The following CEP63 variants were observed in gnomAD, a reference collection of about 807,000 sequenced individuals.
The protein encoded by CEP63 is centrosomal protein 63.
A neutral mutation model predicts 89.1 loss-of-function variants in CEP63; 84 were observed. The observed-to-expected ratio is 0.94, with a 90% CI of 0.79 to 1.13. The LOEUF (loss-of-function observed/expected upper bound fraction) is 1.13, where lower values mean the gene tolerates loss of function less well. CEP63 is among the 50% of genes most tolerant of loss of function. CEP63 has a pLI of 0.00. For synonymous variants in CEP63, 267 were observed against 272.5 expected, an observed-to-expected ratio of 0.98 and a Z score of 0.20; for missense variants, 838 against 813.3, an observed-to-expected ratio of 1.03 and a Z score of -0.37.
the CEP63 span, among the ~76,000 whole-genome samples, chr3:134,744,214 G>A: frequency 6.6e-6 from 1 of 152,258 alleles, no homozygotes; most frequent in African/African-American, 2.4e-5. Context: ...TATCAAAAAG[G>A]ATATTAGGGC....
the CEP63 span, among the ~76,000 whole-genome samples, chr3:134,711,766 CT>C: frequency 0.11 from 15,536 of 139,674 alleles, 1,785 homozygotes; most frequent in African/African-American, 0.31. Flanking sequence ...CTTTTCTTTT[CT>C]TTTTTTTTTT....
At chr3:134,733,086 G>A in the CEP63 span, among the ~76,000 whole-genome samples, 1 of 152,146 alleles carries the variant, frequency 6.6e-6, no homozygotes, top group African/African-American at 2.4e-5. Context: ...TTTAAAATGG[G>A]TAGGAAGCAT....
the CEP63 span, among the ~76,000 whole-genome samples, chr3:134,605,341 T>TC: frequency 6.6e-6 from 1 of 151,910 alleles, no homozygotes; most frequent in Admixed American, 6.6e-5. Context: ...CCCAGCAACC[T>TC]CCCCAGCCCC....
chr3:134,775,465 A>C, the CEP63 span, among the ~76,000 whole-genome samples: 3 of 152,156 alleles, frequency 2.0e-5, no homozygotes, highest in South Asian at 6.2e-4. Flanking sequence ...GTAGCATATA[A>C]TCTCCAAGCT....
chr3:134,557,628 C>G (rs927693448), intron 12 of CEP63, among the ~76,000 whole-genome samples: 7 of 151,764 alleles, frequency 4.6e-5, no homozygotes, highest in African/African-American at 1.5e-4. Flanking sequence ...TTTATCATGT[C>G]CAAATTTATA....
chr3:134,688,578 G>A, the CEP63 span, among the ~76,000 whole-genome samples: 2 of 152,314 alleles, frequency 1.3e-5, no homozygotes, highest in South Asian at 2.1e-4. Context: ...TTGCAGTGGC[G>A]AGTCAGAGTA....
At chr3:134,655,403 G>A in the CEP63 span, among the ~76,000 whole-genome samples, 1 of 152,240 alleles carries the variant, frequency 6.6e-6, no homozygotes, top group East Asian at 1.9e-4. Flanking sequence ...TTTGGCAGGA[G>A]TTACGGCACA....
intron 3 of CEP63, among the ~76,000 whole-genome samples, chr3:134,517,168 C>T (rs535779628): frequency 2.0e-5 from 3 of 152,312 alleles, no homozygotes; most frequent in African/African-American, 7.2e-5. Flanking sequence ...CTGCCTTGCT[C>T]TCTGTGTCCT....
the CEP63 span, among the ~76,000 whole-genome samples, chr3:134,611,291 A>G: frequency 6.6e-6 from 1 of 152,184 alleles, no homozygotes; most frequent in Non-Finnish European, 1.5e-5. Flanking sequence ...TCTGGGGAAG[A>G]TATAAAATGA....
the CEP63 span, among the ~76,000 whole-genome samples, chr3:134,689,539 C>T: frequency 1.3e-4 from 20 of 152,196 alleles, 1 homozygote; most frequent in African/African-American, 4.3e-4. Context: ...GCAACCTCTG[C>T]CTCCTGAGTT....
At chr3:134,684,240 G>A in the CEP63 span, among the ~76,000 whole-genome samples, 1 of 152,170 alleles carries the variant, frequency 6.6e-6, no homozygotes, top group Non-Finnish European at 1.5e-5. Flanking sequence ...AAGCTGTTCT[G>A]GGCTGAGTGT....
chr3:134,723,894 T>C, the CEP63 span, among the ~76,000 whole-genome samples: 1 of 152,086 alleles, frequency 6.6e-6, no homozygotes, highest in East Asian at 1.9e-4. Context: ...TCTAGAAGAG[T>C]ATTTTGGAGA....
the CEP63 span, among the ~76,000 whole-genome samples, chr3:134,720,018 C>T: frequency 6.6e-6 from 1 of 152,172 alleles, no homozygotes; most frequent in South Asian, 2.1e-4. Context: ...TGTATGGTAA[C>T]CCTACATTTA....
chr3:134,672,763 T>C, the CEP63 span, among the ~76,000 whole-genome samples: 1 of 152,194 alleles, frequency 6.6e-6, no homozygotes, highest in Non-Finnish European at 1.5e-5. Flanking sequence ...TCTTCTGGCT[T>C]CAGCTCCAAT....
the CEP63 span, among the ~76,000 whole-genome samples, chr3:134,610,938 A>G: frequency 1.3e-5 from 2 of 152,112 alleles, no homozygotes; most frequent in Non-Finnish European, 2.9e-5. Context: ...CCCCCCTGCT[A>G]TTCCTCCCAA....
downstream of CEP63, among the ~76,000 whole-genome samples, chr3:134,589,549 C>T (rs1958556773): frequency 6.7e-6 from 1 of 148,876 alleles, no homozygotes; most frequent in Non-Finnish European, 1.5e-5. Context: ...ATTACTTATT[C>T]ATCACTTCAT....
At position 134,550,258 on chromosome 3, in the gene CEP63, A is replaced by G; in HGVS notation, c.1378A>G (p.Lys460Glu). 1.2e-6 allele frequency: 2 copies of G among 1,613,986 alleles called. No individual in the cohort carries two copies. The highest frequency in any genetic ancestry group is 1.7e-6 in the Non-Finnish European group (2 of 1,179,880). The change falls in exon 11 of 15, where the codon AAG (lysine) becomes GAG (glutamate). Residue 460 changes from lysine (K) to glutamate (E), a missense_variant and splice_region_variant. Physicochemically the swap from Lys to Glu is moderately conservative, Grantham distance 56. Transcript: ENST00000675561. ...GGCAGAAGACAAAGCAGTAGAGCAT[A>G]AGGTGAAGCCTGAACAAAACCTTTT... ...QKAEDKAVEHKEILDQLESLK... is the reference protein window; with the variant it reads ...QKAEDKAVEHEEILDQLESLK...
chr3:134,653,085 G>A, the CEP63 span, among the ~76,000 whole-genome samples: 172 of 152,298 alleles, frequency 1.1e-3, no homozygotes, highest in African/African-American at 4.0e-3. Context: ...AGGGGTCTGG[G>A]GAAATGGTGT....
the CEP63 span, among the ~76,000 whole-genome samples, chr3:134,703,858 G>T: frequency 2.6e-5 from 4 of 152,104 alleles, no homozygotes; most frequent in South Asian, 8.3e-4. Flanking sequence ...TACATGTTGT[G>T]GCAGAAGTAT....
Sources: allele counts gnomAD v4.1 joint callset (sites outside exome capture counted in the v4.1 genomes callset), GRCh38; gene constraint gnomAD v4.1.1; transcripts MANE v1.5; gene names NCBI Gene and HGNC (gene_info 2026-07-23, HGNC 2026-07-21).